CRTC1: variants seen among roughly 807,000 people sequenced by gnomAD.
The protein encoded by CRTC1 is CREB regulated transcription coactivator 1, also known as CREB-regulated transcription coactivator 1.
CRTC1 carries 18 observed loss-of-function variants against 66.1 expected under a neutral mutation model. That is an observed-to-expected ratio of 0.27 (90% confidence interval 0.19 to 0.40). The LOEUF is 0.40. Among genes scored for constraint, CRTC1 ranks in the 10% least tolerant of loss-of-function variants. The pLI is 1.00. For missense variants in CRTC1, 669 were observed against 887.9 expected, an observed-to-expected ratio of 0.75 and a Z score of 3.13; for synonymous variants, 416 against 398.8, an observed-to-expected ratio of 1.04 and a Z score of -0.51.
rs541102640 is a variant in CRTC1, at chr19:18,746,549, C to T, written c.382-504C>T. 7.6e-4 allele frequency among the ~76,000 whole-genome samples: 112 copies of T among 147,366 alleles called. 3 individuals carry two copies. In the South Asian group the frequency reaches 0.021, roughly 28 times the overall value. On this transcript the variant is annotated intron_variant, in intron 3 of 13. Coordinates refer to ENST00000321949, the MANE Select transcript of CRTC1 (RefSeq NM_015321.3). The stretch of plus-strand genomic sequence containing the variant: ...GGGCCCCACAACACCAGAGTCTGAG[C>T]GGCCTCAGGTTGCTCCCGGGATCCC...
chr19:18,721,157 A>G (rs1296702577), intron 1 of CRTC1, among the ~76,000 whole-genome samples: 1 of 148,616 alleles, frequency 6.7e-6, no homozygotes, highest in Non-Finnish European at 1.5e-5. Flanking sequence ...GATGCTAGTC[A>G]TTGGATTTAA....
chr19:18,774,657 G>T (rs2054942248), intron 11 of CRTC1, among the ~76,000 whole-genome samples: 1 of 152,210 alleles, frequency 6.6e-6, no homozygotes, highest in Admixed American at 6.5e-5. Context: ...TTGAGGAGAG[G>T]AGATGGGGAT....
At chr19:18,749,699 C>T in intron 4 of CRTC1, 82 bp from the exon 5 acceptor site, 2 of 1,143,384 alleles carry the variant, frequency 1.7e-6, no homozygotes, top group Non-Finnish European at 1.3e-6. Flanking sequence ...CCTGTCCATC[C>T]AGCGTGTCCC....
chr19:18,742,608 C>A (rs1055303549), intron 1 of CRTC1, among the ~76,000 whole-genome samples: 1 of 152,220 alleles, frequency 6.6e-6, no homozygotes, highest in Non-Finnish European at 1.5e-5. Context: ...GCCTCTCTTG[C>A]CCATTCACTG....
Position 18,732,068 on chromosome 19 carries a change from G to A in CRTC1, c.127-10842G>A, listed in dbSNP as rs117154473. ...ATACACCTGTCTATGGACAGTTCCT[G>A]TAATTCCTGGGGGTGATGCTGGGCC... On this transcript the variant is annotated intron_variant, in intron 1 of 13. Transcript: ENST00000321949. Among the ~76,000 whole-genome samples, 1,357 of 152,348 alleles carry A rather than the reference G, an allele frequency of 8.9e-3. 10 individuals carry two copies. The highest frequency in any genetic ancestry group is 0.016 in the Non-Finnish European group (1,074 of 68,024).
chr19:18,775,903 A>G, intron 13 of CRTC1, 82 bp downstream of exon 13: 2 of 1,416,464 alleles, frequency 1.4e-6, no homozygotes, highest in African/African-American at 1.4e-5. Flanking sequence ...GCTGTCCCGC[A>G]GCAGGAGGGT....
intron 1 of CRTC1, among the ~76,000 whole-genome samples, chr19:18,688,854 G>C (rs1236318498): frequency 1.3e-5 from 2 of 151,950 alleles, no homozygotes; most frequent in African/African-American, 2.4e-5. Flanking sequence ...AGAACATTTC[G>C]TACCCCCAGA....
At chr19:18,710,873 C>T (rs1248291901) in intron 1 of CRTC1, among the ~76,000 whole-genome samples, 1 of 152,164 alleles carries the variant, frequency 6.6e-6, no homozygotes, top group East Asian at 1.9e-4. Context: ...GCCTTGGCCT[C>T]CCAAAGTGCT....
intron 1 of CRTC1, 64 bp from the exon 2 acceptor site, chr19:18,742,846 G>T: frequency 8.1e-7 from 1 of 1,230,682 alleles, no homozygotes. Context: ...TGCCTTTGGG[G>T]CTGGCACTCT....
intron 1 of CRTC1, among the ~76,000 whole-genome samples, chr19:18,687,743 G>A (rs1463708712): frequency 6.6e-6 from 1 of 152,162 alleles, no homozygotes; most frequent in Non-Finnish European, 1.5e-5. Context: ...GTGTCTTGCT[G>A]CCGTGGAAGG....
Position 18,777,291 on chromosome 19 carries a change from T to G in CRTC1, c.1814T>G (p.Leu605Arg). ...CTGGACGAACTCAAGATCGACCCCC[T>G]GACCCTCGACGGACTGCACATGCTC... The part of the protein sequence containing the change: ...FPLDELKIDP[L>R]TLDGLHMLND... Residue 605 changes from leucine to arginine, a missense_variant, in exon 14 of 14, where the codon CTG becomes CGG. Coordinates refer to ENST00000321949, the MANE Select transcript of CRTC1 (RefSeq NM_015321.3). The surrounding 1 kb of genome is among the most constrained non-coding windows in gnomAD (Gnocchi z 5.5). 5 of 1,612,036 alleles carry G rather than the reference T, an allele frequency of 3.1e-6. No homozygotes were observed. The highest frequency in any genetic ancestry group is 4.2e-6 in the Non-Finnish European group (5 of 1,179,936).
chr19:18,765,168 CTG>C (rs1202894603), intron 8 of CRTC1, among the ~76,000 whole-genome samples: 1 of 152,200 alleles, frequency 6.6e-6, no homozygotes, highest in Non-Finnish European at 1.5e-5. Context: ...GGTTGGCTGG[CTG>C]TGAGACACCC....
rs111481472 is a variant in CRTC1 at position 18,779,530 on chromosome 19, T to TAAAAA, written c.*2153_*2157dup. On this transcript the variant is annotated 3_prime_UTR_variant, in exon 14 of 14. Coordinates refer to ENST00000321949, the MANE Select transcript of CRTC1 (RefSeq NM_015321.3). ...TACCATTAGACTTGTATGTAGGACT[T>TAAAAA]AAAAAAAAATGGCCTTAATAAAATT... The TAAAAA allele has an allele frequency of 3.3e-5, 7 of 213,020 alleles. No individual in the cohort carries two copies. The highest frequency in any genetic ancestry group is 6.6e-5 in the Non-Finnish European group (7 of 106,302). 13.2% of individuals were successfully genotyped at this position (213,020 alleles called of 1,614,324 possible). A position where few individuals can be genotyped will look rare whatever the true frequency, so the allele number is the denominator to read the frequency against.
At position 18,768,445 on chromosome 19, in the gene CRTC1, A is replaced by G. The variant is rs749595250; in HGVS notation, c.1012-40A>G. The G allele has an allele frequency of 1.3e-6, 2 of 1,582,102 alleles. No homozygotes were observed. The highest frequency in any genetic ancestry group is 1.7e-6 in the Non-Finnish European group (2 of 1,163,332). ...GGGCCCGAGGGGGCCAGGCGCTGACAACCAGGGCCCGCCCTGCCTGACGCT... is the reference window on the plus strand; with the variant it reads ...GGGCCCGAGGGGGCCAGGCGCTGACGACCAGGGCCCGCCCTGCCTGACGCT... On this transcript the variant is annotated intron_variant, in intron 9 of 13. Coordinates refer to ENST00000321949, the MANE Select transcript of CRTC1 (RefSeq NM_015321.3). This position sits in a 1 kb window ranked among gnomAD's most constrained non-coding sequence, Gnocchi z 5.6.
intron 1 of CRTC1, among the ~76,000 whole-genome samples, chr19:18,714,226 C>A (rs1259250678): frequency 2.0e-5 from 3 of 152,208 alleles, no homozygotes; most frequent in Non-Finnish European, 4.4e-5. Context: ...CATCACAGCA[C>A]ACATGCAGCC....
At chr19:18,687,862 G>A (rs940413431) in intron 1 of CRTC1, among the ~76,000 whole-genome samples, 2 of 151,970 alleles carry the variant, frequency 1.3e-5, no homozygotes, top group Admixed American at 1.3e-4. Context: ...GTCTTGGGGC[G>A]GAGGGGTGGG....
chr19:18,714,095 G>A (rs1050730459), intron 1 of CRTC1, among the ~76,000 whole-genome samples: 3 of 152,174 alleles, frequency 2.0e-5, no homozygotes, highest in Non-Finnish European at 4.4e-5. Context: ...GTCCTTACAC[G>A]TATGCATGAG....
intron 1 of CRTC1, among the ~76,000 whole-genome samples, chr19:18,690,691 T>TG (rs902576001): frequency 2.0e-4 from 31 of 152,094 alleles, no homozygotes; most frequent in Non-Finnish European, 3.1e-4. Flanking sequence ...GAGATCATCC[T>TG]GGGGGGGTGG....
chr19:18,716,837 G>T (rs1195489738), intron 1 of CRTC1, among the ~76,000 whole-genome samples: 1 of 152,168 alleles, frequency 6.6e-6, no homozygotes, highest in Non-Finnish European at 1.5e-5. Flanking sequence ...GAGGACAGAA[G>T]AGGCGAGAGG....
Sources: gnomAD v4.1 joint callset for allele counts (sites outside exome capture counted in the v4.1 genomes callset) on GRCh38, gnomAD v4.1.1 for gene constraint, Gnocchi (gnomAD v3.1) non-coding constraint, MANE v1.5 for transcripts, NCBI Gene and HGNC (gene_info 2026-07-23, HGNC 2026-07-21) for gene names.